RALYL: variants seen among roughly 807,000 people sequenced by gnomAD.
The protein encoded by RALYL is RALY RNA binding protein like, also known as RNA-binding Raly-like protein.
RALYL carries 29 observed loss-of-function variants against 35.1 expected under a neutral mutation model. That is an observed-to-expected ratio of 0.83 (90% CI 0.61 to 1.13). RALYL has a LOEUF of 1.13. Among genes scored for constraint, RALYL ranks in the 50% most tolerant of loss-of-function variants. The pLI is 0.00. For synonymous variants in RALYL, 120 were observed against 127.6 expected, an observed-to-expected ratio of 0.94 and a Z score of 0.40; for missense variants, 359 against 360.4, an observed-to-expected ratio of 1.00 and a Z score of 0.03.
chr8:84,786,312 A>C (rs576307702), intron 3 of RALYL, among the ~76,000 whole-genome samples: 5 of 152,324 alleles, frequency 3.3e-5, no homozygotes, highest in African/African-American at 1.2e-4. Context: ...TCCTTATAAT[A>C]GAACGATTTC....
chr8:84,795,140 G>A (rs750203494), intron 3 of RALYL, among the ~76,000 whole-genome samples: 5 of 152,208 alleles, frequency 3.3e-5, no homozygotes, highest in Non-Finnish European at 5.9e-5. Context: ...GGGGAAAGCT[G>A]CATTTTACTC....
intron 2 of RALYL, among the ~76,000 whole-genome samples, chr8:84,560,132 A>C (rs891182322): frequency 2.0e-5 from 3 of 151,996 alleles, no homozygotes; most frequent in Non-Finnish European, 4.4e-5. Context: ...ACAAGGTCTG[A>C]AAAGTCTAAC....
intron 2 of RALYL, among the ~76,000 whole-genome samples, chr8:84,767,060 A>G (rs1328801553): frequency 6.6e-6 from 1 of 152,212 alleles, no homozygotes; most frequent in Non-Finnish European, 1.5e-5. Context: ...AATTGAAAGT[A>G]TCTTCCCAAG....
intron 5 of RALYL, among the ~76,000 whole-genome samples, chr8:84,857,358 T>TAACTA (rs1837270004): frequency 6.6e-6 from 1 of 152,210 alleles, no homozygotes; most frequent in African/African-American, 2.4e-5. Context: ...AACTACTTAG[T>TAACTA]AACTATAAGT....
chr8:84,266,113 A>G (rs1833241744), intron 1 of RALYL, among the ~76,000 whole-genome samples: 1 of 152,100 alleles, frequency 6.6e-6, no homozygotes, highest in African/African-American at 2.4e-5. Flanking sequence ...ACTTACATTT[A>G]TTATGTCTCA....
chr8:84,324,225 T>C (rs1845392921), intron 1 of RALYL, among the ~76,000 whole-genome samples: 1 of 152,080 alleles, frequency 6.6e-6, no homozygotes, highest in African/African-American at 2.4e-5. Context: ...ACTTTGAGTA[T>C]CTTGATTGTT....
chr8:84,714,030 T>TCA (rs370280872), intron 2 of RALYL, among the ~76,000 whole-genome samples: 231 of 148,356 alleles, frequency 1.6e-3, no homozygotes, highest in Non-Finnish European at 2.4e-3. Context: ...ACACACATAC[T>TCA]CACACACACA....
chr8:84,434,846 T>C (rs971471565), intron 1 of RALYL, among the ~76,000 whole-genome samples: 1 of 152,308 alleles, frequency 6.6e-6, no homozygotes. Context: ...AGACAAAGTC[T>C]TGCTATATTG....
In RALYL at chr8:84,850,004, C is replaced by T. The variant is rs1454664715; in HGVS notation, c.390C>T (p.Tyr130=). ...GCGGTTATGTCTTTGACTATGATTA[C>T]TACAGAGATGATTTCTACAATCGGT... The part of the protein sequence containing the change: ...SVGGYVFDYD[Y]YRDDFYNRLF... Residue 130 remains tyrosine, a synonymous_variant, in exon 5 of 9, where the codon TAC becomes TAT. Coordinates refer to ENST00000521268, the MANE Select transcript of RALYL (RefSeq NM_173848.7). The T allele has an allele frequency of 1.3e-6, 2 of 1,489,616 alleles. No homozygotes were observed. Among genetic ancestry groups the T allele is most frequent in the African/African-American group, 2.8e-5 (2 of 70,454 alleles). 92.3% of individuals were successfully genotyped at this position (1,489,616 alleles called of 1,614,324 possible).
chr8:84,476,637 A>G (rs888250667), intron 1 of RALYL, among the ~76,000 whole-genome samples: 1 of 152,148 alleles, frequency 6.6e-6, no homozygotes, highest in Non-Finnish European at 1.5e-5. Context: ...ATATTAGTAT[A>G]TTTATTCCCT....
At chr8:84,502,505 A>G (rs180809139) in intron 1 of RALYL, among the ~76,000 whole-genome samples, 6 of 152,224 alleles carry the variant, frequency 3.9e-5, no homozygotes, top group Non-Finnish European at 5.9e-5. Flanking sequence ...TAAATGTCCA[A>G]TAATAATTAA....
intron 1 of RALYL, among the ~76,000 whole-genome samples, chr8:84,500,752 A>G (rs2056562560): frequency 6.6e-6 from 1 of 152,138 alleles, no homozygotes; most frequent in South Asian, 2.1e-4. Context: ...ACTAATGGAA[A>G]TTAAATGTGA....
intron 2 of RALYL, among the ~76,000 whole-genome samples, chr8:84,764,441 G>A (rs1197503111): frequency 6.6e-6 from 1 of 151,958 alleles, no homozygotes; most frequent in African/African-American, 2.4e-5. Flanking sequence ...ATATAGAAAG[G>A]CATCCAAATA....
chr8:84,536,436 A>G (rs550655321), intron 2 of RALYL, among the ~76,000 whole-genome samples: 2 of 152,182 alleles, frequency 1.3e-5, no homozygotes, highest in Admixed American at 6.5e-5. Flanking sequence ...ATCCTATTTC[A>G]CTTTGGTAAG....
intron 2 of RALYL, among the ~76,000 whole-genome samples, chr8:84,615,729 A>T (rs1463867459): frequency 7.9e-6 from 1 of 125,974 alleles, no homozygotes; most frequent in Non-Finnish European, 1.7e-5. Flanking sequence ...ATATCTCCCA[A>T]TGCTGTCCCT....
chr8:84,584,987 T>A (rs73691010), intron 2 of RALYL, among the ~76,000 whole-genome samples: 2,389 of 152,302 alleles, frequency 0.016, 65 homozygotes, highest in African/African-American at 0.054. Flanking sequence ...TATTATTCAA[T>A]ATCTAGGGTA....
intron 2 of RALYL, among the ~76,000 whole-genome samples, chr8:84,557,351 T>C (rs2061195222): frequency 6.6e-6 from 1 of 152,166 alleles, no homozygotes; most frequent in Non-Finnish European, 1.5e-5. Flanking sequence ...ATTTTCCCCG[T>C]GACTGGACAG....
chr8:84,316,462 T>C (rs1022531871), intron 1 of RALYL, among the ~76,000 whole-genome samples: 1 of 152,150 alleles, frequency 6.6e-6, no homozygotes, highest in Admixed American at 6.6e-5. Flanking sequence ...TTAGATGACA[T>C]AAAAAATTAC....
intron 4 of RALYL, among the ~76,000 whole-genome samples, chr8:84,815,234 C>T (rs1022628575): frequency 6.6e-6 from 1 of 152,036 alleles, no homozygotes; most frequent in East Asian, 1.9e-4. Context: ...TCCACACTGC[C>T]TATGCAGAAG....
Sources: allele counts gnomAD v4.1 joint callset (sites outside exome capture counted in the v4.1 genomes callset), GRCh38; gene constraint gnomAD v4.1.1; transcripts MANE v1.5; gene names NCBI Gene and HGNC (gene_info 2026-07-23, HGNC 2026-07-21).